The following MTRR variants were observed in gnomAD, a reference collection of about 807,000 sequenced individuals.
The protein encoded by MTRR is 5-methyltetrahydrofolate-homocysteine methyltransferase reductase.
Under a neutral mutation model 79.2 loss-of-function variants are expected in MTRR, and 63 were observed. The observed-to-expected ratio is 0.80, with a 90% CI of 0.65 to 0.98. The LOEUF (loss-of-function observed/expected upper bound fraction) is 0.98, where lower values mean the gene tolerates loss of function less well. Among genes scored for constraint, MTRR ranks in the 50% least tolerant of loss-of-function variants. The pLI is 0.00. For missense variants in MTRR, 895 were observed against 839.6 expected, an observed-to-expected ratio of 1.07 and a Z score of -0.82; for synonymous variants, 355 against 313.3, an observed-to-expected ratio of 1.13 and a Z score of -1.41.
intron 1 of MTRR, among the ~76,000 whole-genome samples, chr5:7,858,209 T>G (rs1479242716): frequency 6.6e-6 from 1 of 152,144 alleles, no homozygotes; most frequent in Non-Finnish European, 1.5e-5. Context: ...GGACTGGATA[T>G]TAGCTGCAAG....
intron 5 of MTRR, among the ~76,000 whole-genome samples, chr5:7,881,826 C>A (rs1182516072): frequency 6.6e-6 from 1 of 152,102 alleles, no homozygotes; most frequent in African/African-American, 2.4e-5. Flanking sequence ...TCTGCTGTTT[C>A]TCTCTAGTTC....
In MTRR at chr5:7,885,829, A is replaced by G. The variant is rs1408107412; in HGVS notation, c.1032A>G (p.Lys344=). 6.2e-7 allele frequency: 1 copy of G among 1,614,156 alleles called. No individual in the cohort carries two copies. The highest frequency in any genetic ancestry group is 2.2e-5 in the East Asian group (1 of 44,876). The change falls in exon 7 of 15, where the codon AAA becomes AAG. Residue 344 remains lysine (K), a synonymous_variant. Transcript: ENST00000440940. ...AAAGAGAGCACTGCGTCCTTTTGAA[A>G]ATAAAGGCAGACACAAAGAAGAAAG... ...EDKREHCVLL[K]IKADTKKKGA...
intron 1 of MTRR, among the ~76,000 whole-genome samples, chr5:7,858,745 G>C (rs553013434): frequency 6.0e-4 from 91 of 151,842 alleles, no homozygotes; most frequent in African/African-American, 2.1e-3. Context: ...TACTCCAGTC[G>C]GCTCTCTTGT....
At chr5:7,867,786 G>C, upstream of MTRR, 1 of 1,614,160 alleles carries the variant, frequency 6.2e-7, no homozygotes, top group Non-Finnish European at 8.5e-7. Context: ...TAAAACATCT[G>C]ACTCTCCTCA....
upstream of MTRR, among the ~76,000 whole-genome samples, chr5:7,864,882 T>A (rs1429167170): frequency 6.6e-6 from 1 of 151,214 alleles, no homozygotes; most frequent in Admixed American, 6.6e-5. Flanking sequence ...AGTTTATATA[T>A]GAAAAAAACC....
In MTRR at chr5:7,889,110, C is replaced by T. The variant is rs770791399; in HGVS notation, c.1162C>T (p.Leu388Phe). 2 of 1,614,146 alleles carry T rather than the reference C, an allele frequency of 1.2e-6. No homozygotes were observed. The highest frequency in any genetic ancestry group is 1.7e-6 in the Non-Finnish European group (2 of 1,180,032). Residue 388 changes from leucine to phenylalanine, a missense_variant, in exon 9 of 15, where the codon CTT (leucine) becomes TTT (phenylalanine). Physicochemically the swap from Leu to Phe is conservative, Grantham distance 22. Coordinates refer to ENST00000440940, the MANE Select transcript of MTRR (RefSeq NM_002454.3). ...CTTTTTGTAGGCATTTTTGCGAGCC[C>T]TTGTGGACTATACCAGTGACAGTGC... ...AIPKKAFLRA[L>F]VDYTSDSAEK...
At chr5:7,887,795 TATATATA>T (rs1736823270) in intron 8 of MTRR, among the ~76,000 whole-genome samples, 1 of 17,096 alleles carries the variant, frequency 5.8e-5, no homozygotes, top group Non-Finnish European at 1.3e-4. Context: ...TGTGTGTGCA[TATATATA>T]TATATATATA....
intron 11 of MTRR, 60 bp from the exon 12 acceptor site, chr5:7,895,674 G>T (rs1228147917): frequency 6.3e-7 from 1 of 1,595,778 alleles, no homozygotes; most frequent in African/African-American, 1.3e-5. Flanking sequence ...AGATCATCTT[G>T]ATTATATACT....
At chr5:7,870,643 T>G in intron 1 of MTRR, 127 bp from the exon 2 acceptor site, 3 of 1,033,076 alleles carry the variant, frequency 2.9e-6, no homozygotes, top group Non-Finnish European at 4.4e-6. Flanking sequence ...AAAACAAATT[T>G]AGAAAAGGCC....
chr5:7,885,767 G>T lies in MTRR; in HGVS notation c.970G>T (p.Val324Leu). The change falls in exon 7 of 15, where the codon GTA becomes TTA. Residue 324 changes from valine to leucine, a missense_variant. Coordinates refer to ENST00000440940, the MANE Select transcript of MTRR (RefSeq NM_002454.3). ...GATCTGCCCTAACAGTGATTCTGAGGTACAAAGCCTACTCCAAAGACTGCA... is the reference window on the plus strand; with the variant it reads ...GATCTGCCCTAACAGTGATTCTGAGTTACAAAGCCTACTCCAAAGACTGCA... ...SVICPNSDSE[V>L]QSLLQRLQLE... 2 of 1,613,916 alleles carry T rather than the reference G, an allele frequency of 1.2e-6. No homozygotes were observed. The highest frequency in any genetic ancestry group is 1.7e-6 in the Non-Finnish European group (2 of 1,179,974).
intron 2 of MTRR, among the ~76,000 whole-genome samples, chr5:7,871,373 GT>G (rs1165275005): frequency 6.6e-6 from 1 of 152,182 alleles, no homozygotes; most frequent in African/African-American, 2.4e-5. Flanking sequence ...AAGTAGTAGT[GT>G]AAGGATCTGG....
At chr5:7,866,825 T>C (rs749691419), upstream of MTRR, 2 of 1,614,118 alleles carry the variant, frequency 1.2e-6, no homozygotes, top group Non-Finnish European at 1.7e-6. Flanking sequence ...TGGTGGCAAA[T>C]AATTGAGTTT....
At chr5:7,860,757 C>G (rs1360749776) in intron 1 of MTRR, among the ~76,000 whole-genome samples, 1 of 152,150 alleles carries the variant, frequency 6.6e-6, no homozygotes, top group Non-Finnish European at 1.5e-5. Context: ...GCTTAAAGTG[C>G]AAATGTTAAG....
chr5:7,869,289 C>T (rs571935537), intron 1 of MTRR, 74 bp downstream of exon 1: 19 of 1,572,394 alleles, frequency 1.2e-5, no homozygotes, highest in Non-Finnish European at 1.4e-5. Context: ...AGAGGCGGCC[C>T]GGGGCGGGGG....
upstream of MTRR, chr5:7,850,901 G>C: frequency 7.4e-7 from 1 of 1,357,236 alleles, no homozygotes; most frequent in African/African-American, 1.5e-5. Flanking sequence ...TAGTAGCTGT[G>C]CTCTTTGGGG....
intron 1 of MTRR, chr5:7,859,610 T>C (rs1579524634): frequency 9.9e-7 from 1 of 1,013,674 alleles, no homozygotes; most frequent in East Asian, 2.6e-5. Context: ...ATTGGTTACT[T>C]TGTTTGTTTC....
At chr5:7,898,817 A>G (rs1316831648) in intron 14 of MTRR, among the ~76,000 whole-genome samples, 1 of 152,150 alleles carries the variant, frequency 6.6e-6, no homozygotes, top group Non-Finnish European at 1.5e-5. Flanking sequence ...TCATTCAGCA[A>G]ACACCTGAGT....
chr5:7,862,950 T>C (rs912224398), intron 2 of MTRR: 112 of 1,613,910 alleles, frequency 6.9e-5, no homozygotes, highest in Non-Finnish European at 9.3e-5. Context: ...GGGAACAGCA[T>C]GGGGTAAGAA....
At chr5:7,885,604 A>G in intron 6 of MTRR, 97 bp from the exon 7 acceptor site, 1 of 1,179,560 alleles carries the variant, frequency 8.5e-7, no homozygotes. Context: ...CACATATTAA[A>G]ATCATAATAT....
Sources: allele counts gnomAD v4.1 joint callset (sites outside exome capture counted in the v4.1 genomes callset), GRCh38; gene constraint gnomAD v4.1.1; transcripts MANE v1.5; gene names NCBI Gene and HGNC (gene_info 2026-07-23, HGNC 2026-07-21).